ADAMTS9: variants seen among roughly 807,000 people sequenced by gnomAD.
ADAMTS9 encodes the protein ADAM metallopeptidase with thrombospondin type 1 motif 9.
In ADAMTS9, 107 loss-of-function variants were observed where a neutral mutation model predicts 257.1. The observed-to-expected ratio is 0.42, with a 90% confidence interval of 0.36 to 0.49. ADAMTS9 has a LOEUF of 0.49. ADAMTS9 is among the 20% of genes least tolerant of loss of function. ADAMTS9 has a pLI of 0.03. For missense variants in ADAMTS9, 2,353 were observed against 2,469.1 expected (o/e 0.95, Z 1.00); for synonymous variants, 982 against 880.9 (o/e 1.11, Z -2.03).
chr3:64,562,681 G>C (rs1188953758), intron 29 of ADAMTS9, among the ~76,000 whole-genome samples: 1 of 152,012 alleles, frequency 6.6e-6, no homozygotes, highest in Non-Finnish European at 1.5e-5. Flanking sequence ...TCCATTTTTT[G>C]GTCTGGTGTT....
At position 64,633,506 on chromosome 3, in the gene ADAMTS9, TC is replaced by T. The variant is rs1559802162; in HGVS notation, c.2140del (p.Asp714ThrfsTer20). 6.2e-7 allele frequency: 1 copy of T among 1,614,110 alleles called. No individual in the cohort carries two copies. Among genetic ancestry groups the T allele is most frequent in the Admixed American group, 1.7e-5 (1 of 60,000 alleles). Reference sequence around the variant, plus strand: ...GCCCTGGACACAGATATCATTTGTGTCCTGGCCACAAGGAGTTCCATCTATC... The same window carrying T: ...GCCCTGGACACAGATATCATTTGTGTCTGGCCACAAGGAGTTCCATCTATC... ...RVIDGTPCGQ[D>X]TNDICVQGLC... On this transcript the variant is annotated frameshift_variant, in exon 14 of 40. Transcript: ENST00000498707. LOFTEE classifies it high-confidence loss of function.
intron 36 of ADAMTS9, among the ~76,000 whole-genome samples, chr3:64,540,115 A>G (rs1344354973): frequency 6.6e-6 from 1 of 152,228 alleles, no homozygotes; most frequent in Admixed American, 6.5e-5. Flanking sequence ...TTCTGCAAGG[A>G]AAGGGGACCT....
chr3:64,598,207 T>A (rs1559784570), intron 26 of ADAMTS9, among the ~76,000 whole-genome samples: 1 of 152,170 alleles, frequency 6.6e-6, no homozygotes, highest in Non-Finnish European at 1.5e-5. Flanking sequence ...GATAATAGAT[T>A]TATTAGTTCC....
chr3:64,627,736 G>A (rs976527243), intron 16 of ADAMTS9, among the ~76,000 whole-genome samples: 3 of 152,072 alleles, frequency 2.0e-5, no homozygotes, highest in African/African-American at 7.2e-5. Flanking sequence ...TCAGAGCTGG[G>A]TTGCTACAAA....
chr3:64,671,142 G>T (rs965853864), intron 3 of ADAMTS9, among the ~76,000 whole-genome samples: 1 of 152,184 alleles, frequency 6.6e-6, no homozygotes, highest in African/African-American at 2.4e-5. Flanking sequence ...GCTCAAGTGG[G>T]TAATGGTTAA....
At chr3:64,629,465 C>G (rs1291297995) in intron 16 of ADAMTS9, among the ~76,000 whole-genome samples, 2 of 152,206 alleles carry the variant, frequency 1.3e-5, no homozygotes, top group Non-Finnish European at 2.9e-5. Context: ...CCTCCGTCTT[C>G]CCTACTTCAA....
chr3:64,660,099 A>T (rs1228072645), intron 3 of ADAMTS9, among the ~76,000 whole-genome samples: 2 of 152,250 alleles, frequency 1.3e-5, no homozygotes, highest in Non-Finnish European at 2.9e-5. Flanking sequence ...GAGTAAAAAC[A>T]GAATTTCATC....
chr3:64,639,777 G>A (rs999874807), intron 12 of ADAMTS9, among the ~76,000 whole-genome samples: 1 of 152,086 alleles, frequency 6.6e-6, no homozygotes, highest in South Asian at 2.1e-4. Flanking sequence ...TTCTTTTAAA[G>A]CTTCAACAAT....
chr3:64,547,844 C>A (rs1196705638), intron 31 of ADAMTS9, among the ~76,000 whole-genome samples: 1 of 151,438 alleles, frequency 6.6e-6, no homozygotes, highest in Admixed American at 6.6e-5. Flanking sequence ...CAACTTTCAA[C>A]CTCCTTAGCT....
chr3:64,568,282 G>C, intron 29 of ADAMTS9, 86 bp downstream of exon 29: 1 of 1,463,296 alleles, frequency 6.8e-7, no homozygotes, highest in East Asian at 2.4e-5. Flanking sequence ...AACCAAAACC[G>C]TGCATAGAAA....
chr3:64,602,267 C>T (rs1413561620), intron 25 of ADAMTS9, 54 bp from the exon 26 acceptor site: 1 of 1,584,722 alleles, frequency 6.3e-7, no homozygotes, highest in Non-Finnish European at 8.6e-7. Context: ...GAGGGGTTGA[C>T]AATTCCTGAA....
intron 31 of ADAMTS9, 35 bp from the exon 32 acceptor site, chr3:64,546,987 C>T: frequency 6.3e-7 from 1 of 1,578,902 alleles, no homozygotes; most frequent in South Asian, 1.2e-5. Context: ...GAGGTTCGAG[C>T]AGTTCCTGGG....
chr3:64,526,069 T>C (rs964326719), intron 38 of ADAMTS9, among the ~76,000 whole-genome samples: 1 of 143,784 alleles, frequency 7.0e-6, no homozygotes, highest in Non-Finnish European at 1.5e-5. Context: ...TGCTATACTA[T>C]ATATTATAAT....
chr3:64,626,378 C>T (rs1423310519), intron 16 of ADAMTS9, among the ~76,000 whole-genome samples: 1 of 152,156 alleles, frequency 6.6e-6, no homozygotes, highest in African/African-American at 2.4e-5. Context: ...TAAATGAGTT[C>T]ATGCATTCGT....
chr3:64,677,590 A>AT (rs1426586031), intron 3 of ADAMTS9, among the ~76,000 whole-genome samples: 3 of 152,090 alleles, frequency 2.0e-5, no homozygotes, highest in Admixed American at 6.5e-5. Flanking sequence ...TCCTTTCCTC[A>AT]TTGTGGTGTT....
At chr3:64,608,746 A>G (rs2084611163) in intron 22 of ADAMTS9, among the ~76,000 whole-genome samples, 1 of 152,082 alleles carries the variant, frequency 6.6e-6, no homozygotes. Context: ...TTCAGAAAAA[A>G]AAAAATCAAA....
At position 64,560,761 on chromosome 3, in the gene ADAMTS9, C is replaced by T. The variant is rs190310120; in HGVS notation, c.4698+817G>A. On this transcript the variant is annotated intron_variant, in intron 30 of 39. Transcript: ENST00000498707. ...CCCTTTCTTTATGTTCTGAAAAACT[C>T]TTCATGGTGGGGAATTTCCTGCCTT... Among the ~76,000 whole-genome samples, 3 of 152,288 alleles carry T rather than the reference C, an allele frequency of 2.0e-5. No homozygotes were observed. The East Asian group carries it at 5.8e-4, about 29-fold the overall frequency.
At chr3:64,556,243 C>T (rs1299299859) in intron 30 of ADAMTS9, among the ~76,000 whole-genome samples, 1 of 152,216 alleles carries the variant, frequency 6.6e-6, no homozygotes, top group Non-Finnish European at 1.5e-5. Context: ...CTGAGCACAG[C>T]TTGTCCATGG....
In ADAMTS9 at chr3:64,582,912, A is replaced by G. The variant is rs139203218; in HGVS notation, c.4356+11346T>C. On this transcript the variant is annotated intron_variant, in intron 28 of 39. Transcript: ENST00000498707. ...CTCAAAAGAGAAACCTATATACTCAACTCTGATGCTCAAGTCTGACCAATC... is the reference window on the plus strand; with the variant it reads ...CTCAAAAGAGAAACCTATATACTCAGCTCTGATGCTCAAGTCTGACCAATC... 318 of 152,232 alleles carry G rather than the reference A, an allele frequency of 2.1e-3. 2 individuals are homozygous for G. Among genetic ancestry groups the G allele is most frequent in the African/African-American group, 7.2e-3 (297 of 41,526 alleles). The allele number at this position is 152,232 out of a possible 1,614,324, so 9.4% of individuals were successfully genotyped here. A position where few individuals can be genotyped will look rare whatever the true frequency, so the allele number is the denominator to read the frequency against.
Sources: gnomAD v4.1 joint callset for allele counts (sites outside exome capture counted in the v4.1 genomes callset) on GRCh38, gnomAD v4.1.1 for gene constraint, MANE v1.5 for transcripts, NCBI Gene and HGNC (gene_info 2026-07-23, HGNC 2026-07-21) for gene names.